The following DPYD variants were observed in gnomAD, a reference collection of about 807,000 sequenced individuals.
DPYD encodes dihydropyrimidine dehydrogenase [NADP(+)].
A neutral mutation model predicts 116.2 loss-of-function variants in DPYD; 109 were observed. The observed-to-expected ratio is 0.94, with a 90% CI of 0.80 to 1.10. The LOEUF (loss-of-function observed/expected upper bound fraction) is 1.10, where lower values mean the gene tolerates loss of function less well. Ranked by LOEUF, DPYD falls within the 50% of genes least tolerant of loss-of-function variation. The pLI, the probability that DPYD is intolerant of heterozygous loss-of-function variation, is 0.00. For synonymous variants in DPYD, 440 were observed against 432.0 expected (o/e 1.02, Z -0.23); for missense variants, 1,302 against 1,254.5 (o/e 1.04, Z -0.57).
At chr1:97,149,810 C>T (rs1281607463) in intron 20 of DPYD, among the ~76,000 whole-genome samples, 4 of 152,210 alleles carry the variant, frequency 2.6e-5, no homozygotes, top group Non-Finnish European at 4.4e-5. Flanking sequence ...CTGCTAACCA[C>T]CTCATAATGA....
chr1:97,715,094 G>C (rs1275457864), intron 5 of DPYD, among the ~76,000 whole-genome samples: 1 of 152,058 alleles, frequency 6.6e-6, no homozygotes, highest in Admixed American at 6.6e-5. Context: ...GACACTGGGA[G>C]TTTATTTAAC....
chr1:97,616,620 C>T lies in DPYD; in HGVS notation c.851-21454G>A, dbSNP rs150902040. 3.9e-5 allele frequency among the ~76,000 whole-genome samples: 6 copies of T among 152,104 alleles called. No homozygotes were observed. In the East Asian group the frequency reaches 5.8e-4, roughly 15 times the overall value. On this transcript the variant is annotated intron_variant, in intron 8 of 22. Transcript: ENST00000370192. The stretch of plus-strand genomic sequence containing the variant: ...CCCAAGAATCACAAATATTAAAAAC[C>T]GTCTCTAACCATGTAGCTCAAATTA...
intron 3 of DPYD, among the ~76,000 whole-genome samples, chr1:97,748,910 T>C (rs1664709431): frequency 6.6e-6 from 1 of 152,172 alleles, no homozygotes; most frequent in Non-Finnish European, 1.5e-5. Context: ...GACAACACAA[T>C]GTACTGTGAA....
intron 20 of DPYD, among the ~76,000 whole-genome samples, chr1:97,145,631 T>G (rs1654560639): frequency 1.3e-5 from 2 of 152,100 alleles, no homozygotes; most frequent in African/African-American, 2.4e-5. Flanking sequence ...ATGCATCCTA[T>G]TACTCTGCAT....
At chr1:97,322,629 CAT>C (rs966134864) in intron 16 of DPYD, 7 of 151,928 alleles carry the variant, frequency 4.6e-5, no homozygotes, top group Non-Finnish European at 7.4e-5. Flanking sequence ...TTATTACACT[CAT>C]GTGGTGGTTT....
chr1:97,587,778 C>T (rs1205702952), intron 10 of DPYD, among the ~76,000 whole-genome samples: 2 of 148,142 alleles, frequency 1.4e-5, no homozygotes, highest in African/African-American at 5.0e-5. Flanking sequence ...GAGTCGAGAT[C>T]GCGCCACTGC....
intron 3 of DPYD, among the ~76,000 whole-genome samples, chr1:97,774,170 G>A (rs1459607387): frequency 6.6e-6 from 1 of 152,162 alleles, no homozygotes; most frequent in Non-Finnish European, 1.5e-5. Context: ...TGCCCTGTGA[G>A]GGGGATAAGA....
chr1:97,854,560 G>C (rs1213191039), intron 2 of DPYD, among the ~76,000 whole-genome samples: 1 of 152,158 alleles, frequency 6.6e-6, no homozygotes, highest in African/African-American at 2.4e-5. Context: ...ATGTAGAAAG[G>C]CTTTTGTGTC....
At chr1:97,804,219 G>C (rs978275713) in intron 3 of DPYD, among the ~76,000 whole-genome samples, 2 of 151,616 alleles carry the variant, frequency 1.3e-5, no homozygotes, top group African/African-American at 2.4e-5. Flanking sequence ...ATTCAATTTA[G>C]AAATTTATAT....
intron 19 of DPYD, among the ~76,000 whole-genome samples, chr1:97,218,118 T>C (rs1296472890): frequency 6.6e-6 from 1 of 152,184 alleles, no homozygotes; most frequent in Admixed American, 6.5e-5. Context: ...GTATACATAA[T>C]GATAGCACAC....
intron 16 of DPYD, among the ~76,000 whole-genome samples, chr1:97,328,317 T>C (rs1668807677): frequency 6.6e-6 from 1 of 152,178 alleles, no homozygotes; most frequent in African/African-American, 2.4e-5. Flanking sequence ...TGGTTATTTC[T>C]AAATAATTAA....
chr1:97,281,326 TC>T (rs1284740577), intron 18 of DPYD, among the ~76,000 whole-genome samples: 1 of 151,298 alleles, frequency 6.6e-6, no homozygotes, highest in East Asian at 1.9e-4. Context: ...AAAAGGAAAA[TC>T]CAGGTTGTGA....
intron 19 of DPYD, among the ~76,000 whole-genome samples, chr1:97,209,228 G>C (rs761138457): frequency 6.6e-6 from 1 of 152,090 alleles, no homozygotes; most frequent in Non-Finnish European, 1.5e-5. Context: ...TTAGGTCAAA[G>C]AAAAGGTAAA....
intron 18 of DPYD, among the ~76,000 whole-genome samples, chr1:97,285,598 G>A (rs899266291): frequency 1.3e-5 from 2 of 151,910 alleles, no homozygotes; most frequent in Non-Finnish European, 2.9e-5. Context: ...AAATCCATAT[G>A]TGAAGTTCAC....
At chr1:97,338,522 C>T (rs1669420148) in intron 16 of DPYD, among the ~76,000 whole-genome samples, 1 of 152,194 alleles carries the variant, frequency 6.6e-6, no homozygotes, top group East Asian at 1.9e-4. Context: ...AAGAGCACGT[C>T]TGCCAAGGTC....
At chr1:97,765,595 G>A (rs1330568423) in intron 3 of DPYD, among the ~76,000 whole-genome samples, 1 of 152,184 alleles carries the variant, frequency 6.6e-6, no homozygotes, top group Non-Finnish European at 1.5e-5. Flanking sequence ...GGAGGCACTG[G>A]CAAGTCATCA....
At chr1:97,265,159 A>T (rs148497023) in intron 18 of DPYD, among the ~76,000 whole-genome samples, 69 of 152,086 alleles carry the variant, frequency 4.5e-4, no homozygotes, top group African/African-American at 1.6e-3. Context: ...TTAAATTCCC[A>T]AGCTCATGGT....
At chr1:97,458,399 A>G (rs1292451546) in intron 13 of DPYD, among the ~76,000 whole-genome samples, 1 of 152,182 alleles carries the variant, frequency 6.6e-6, no homozygotes, top group Non-Finnish European at 1.5e-5. Context: ...CCTACTGGAC[A>G]GGATATGATT....
intron 20 of DPYD, among the ~76,000 whole-genome samples, chr1:97,155,977 G>A (rs892870929): frequency 2.1e-5 from 3 of 141,674 alleles, no homozygotes; most frequent in Non-Finnish European, 3.0e-5. Context: ...TTGGGCCTGA[G>A]ATTCTGCATT....
Sources: gnomAD v4.1 joint callset for allele counts (sites outside exome capture counted in the v4.1 genomes callset) on GRCh38, gnomAD v4.1.1 for gene constraint, MANE v1.5 for transcripts, NCBI Gene and HGNC (gene_info 2026-07-23, HGNC 2026-07-21) for gene names.